Variants in PCDHGA4 observed in about 807,000 individuals in gnomAD.
The protein encoded by PCDHGA4 is protocadherin gamma subfamily A, 4.
PCDHGA4 carries 38 observed loss-of-function variants against 54.6 expected under a neutral mutation model. That is an observed-to-expected ratio of 0.70 (90% CI 0.54 to 0.91). PCDHGA4 has a LOEUF of 0.91. PCDHGA4 is among the 40% of genes least tolerant of loss of function. The pLI is 0.00. For synonymous variants in PCDHGA4, 511 were observed against 512.9 expected (o/e 1.00, Z 0.05); for missense variants, 1,298 against 1,220.9 (o/e 1.06, Z -0.94).
intron 1 of PCDHGA4, chr5:141,423,757 G>T (rs562479446): frequency 7.3e-5 from 29 of 395,130 alleles, no homozygotes; most frequent in Non-Finnish European, 9.5e-5. Flanking sequence ...GTTTGGGGGG[G>T]GGGTGGGGCG....
chr5:141,389,248 A>C, intron 1 of PCDHGA4: 1 of 1,614,036 alleles, frequency 6.2e-7, no homozygotes, highest in South Asian at 1.1e-5. Context: ...CAGTCTTCCT[A>C]TATAGTCCAC....
chr5:141,418,273 A>G (rs1440274831), intron 1 of PCDHGA4: 2 of 1,614,082 alleles, frequency 1.2e-6, no homozygotes, highest in Non-Finnish European at 8.5e-7. Flanking sequence ...AAGATGAAAT[A>G]AACTTAGAAA....
At chr5:141,389,338 T>C in intron 1 of PCDHGA4, 1 of 1,613,982 alleles carries the variant, frequency 6.2e-7, no homozygotes, top group South Asian at 1.1e-5. Flanking sequence ...AACGGCCAAG[T>C]CTCTTACTGC....
At position 141,355,655 on chromosome 5, in the gene PCDHGA4, T is replaced by A. The variant is rs900163276; in HGVS notation, c.548T>A (p.Phe183Tyr). 13 of 1,613,964 alleles carry A rather than the reference T, an allele frequency of 8.1e-6. No homozygotes were observed. The highest frequency in any genetic ancestry group is 1.3e-5 in the African/African-American group (1 of 75,040). The part of the protein sequence containing the change: ...VAENENPGAR[F>Y]PLPEAFDPDV... ...GAAAATGAAAATCCTGGGGCAAGATTTCCTCTTCCTGAAGCTTTTGATCCG... is the reference window on the plus strand; with the variant it reads ...GAAAATGAAAATCCTGGGGCAAGATATCCTCTTCCTGAAGCTTTTGATCCG... Residue 183 changes from phenylalanine to tyrosine, a missense_variant, in exon 1 of 4, where the codon TTT (phenylalanine) becomes TAT (tyrosine). Transcript: ENST00000571252.
intron 1 of PCDHGA4, among the ~76,000 whole-genome samples, chr5:141,380,098 C>T (rs1242678914): frequency 1.3e-5 from 2 of 151,806 alleles, no homozygotes; most frequent in African/African-American, 4.8e-5. Context: ...TGGGGTTTTA[C>T]CATGATGGCC....
chr5:141,355,952 T>C lies in PCDHGA4; in HGVS notation c.845T>C (p.Val282Ala). The change falls in exon 1 of 4, where the codon GTT becomes GCT. Residue 282 changes from valine to alanine, a missense_variant. Val to Ala is a moderately conservative substitution (Grantham distance 64). Transcript: ENST00000571252. ...VFTQPEYHVSVRENVPVGTRL... is the reference protein window; with the variant it reads ...VFTQPEYHVSARENVPVGTRL... ...ACTCAGCCCGAGTACCACGTAAGTG[T>C]TCGTGAGAACGTTCCTGTAGGCACT... 6.2e-7 allele frequency: 1 copy of C among 1,613,896 alleles called. No homozygotes were observed. Among genetic ancestry groups the C allele is most frequent in the Non-Finnish European group, 8.5e-7 (1 of 1,179,858 alleles).
chr5:141,357,569 C>T lies in PCDHGA4; in HGVS notation c.2462C>T (p.Pro821Leu), dbSNP rs755555398. The change falls in exon 1 of 4, where the codon CCT becomes CTT. Residue 821 changes from proline (P) to leucine (L), a missense_variant. Pro to Leu is a moderately conservative substitution (Grantham distance 98). Coordinates refer to ENST00000571252, the MANE Select transcript of PCDHGA4 (RefSeq NM_018917.4). ...ISRESCEKSE[P>L]LLITQDLLET... is the part of the protein sequence containing the mutation. ...CGGGAGAGTTGTGAGAAAAGCGAGCCTCTTCTGATAACTCAGGATTTACTT... is the reference window on the plus strand; with the variant it reads ...CGGGAGAGTTGTGAGAAAAGCGAGCTTCTTCTGATAACTCAGGATTTACTT... 60 of 1,614,090 alleles carry T rather than the reference C, an allele frequency of 3.7e-5. No individual in the cohort carries two copies. Among genetic ancestry groups the T allele is most frequent in the Non-Finnish European group, 4.7e-5 (56 of 1,180,048 alleles).
intron 1 of PCDHGA4, chr5:141,430,569 G>A (rs1252716330): frequency 4.5e-6 from 2 of 439,930 alleles, no homozygotes; most frequent in African/African-American, 4.1e-5. Flanking sequence ...GGAGAGAAAA[G>A]CGGAGATCCT....
At position 141,486,671 on chromosome 5, in the gene PCDHGA4, C is replaced by G. The variant is rs1307620045; in HGVS notation, c.2515-8136C>G. 24 of 1,613,926 alleles carry G rather than the reference C, an allele frequency of 1.5e-5. No homozygotes were observed. The highest frequency in any genetic ancestry group is 2.7e-5 in the African/African-American group (2 of 74,932). Reference sequence around the variant, plus strand: ...CTACTCACTCCTGGAGCCCAGGAATCGAGATGTATCAGCTTCCTCTTTCAT... The same window carrying G: ...CTACTCACTCCTGGAGCCCAGGAATGGAGATGTATCAGCTTCCTCTTTCAT... On this transcript the variant is annotated intron_variant, in intron 1 of 3. Transcript: ENST00000571252. The surrounding 1 kb of genome is among the most constrained non-coding windows in gnomAD (Gnocchi z 5.0).
At chr5:141,413,407 CT>C (rs758693256) in intron 1 of PCDHGA4, 3 of 1,613,926 alleles carry the variant, frequency 1.9e-6, no homozygotes, top group Non-Finnish European at 2.5e-6. Flanking sequence ...TAGGACGCAG[CT>C]TTTCTCTCTG....
chr5:141,356,564 C>T lies in PCDHGA4; in HGVS notation c.1457C>T (p.Ala486Val), dbSNP rs746002239. The change falls in exon 1 of 4, where the codon GCT becomes GTT. Residue 486 changes from alanine (A) to valine (V), a missense_variant. By Grantham distance (64) the Ala-to-Val change is moderately conservative. Transcript: ENST00000571252. ...INDNPPTFPHASYSAYIPENN... is the reference protein window; with the variant it reads ...INDNPPTFPHVSYSAYIPENN... Reference sequence around the variant, plus strand: ...GACAACCCACCCACTTTCCCTCATGCTTCCTACTCTGCTTACATTCCTGAA... The same window carrying T: ...GACAACCCACCCACTTTCCCTCATGTTTCCTACTCTGCTTACATTCCTGAA... 2.5e-6 allele frequency: 4 copies of T among 1,614,146 alleles called. No individual in the cohort carries two copies. Among genetic ancestry groups the T allele is most frequent in the Non-Finnish European group, 3.4e-6 (4 of 1,180,006 alleles).
At chr5:141,359,102 AT>A (rs572394227) in intron 1 of PCDHGA4, among the ~76,000 whole-genome samples, 16 of 152,350 alleles carry the variant, frequency 1.1e-4, no homozygotes, top group African/African-American at 3.6e-4. Flanking sequence ...ATGGTTTTGT[AT>A]TCATAGAAAG....
rs758216933 is a variant in PCDHGA4 at position 141,487,377 on chromosome 5, C to A, written c.2515-7430C>A. The A allele has an allele frequency of 2.5e-6, 4 of 1,614,190 alleles. No individual in the cohort carries two copies. In the South Asian group the frequency reaches 3.3e-5, roughly 13 times the overall value. On this transcript the variant is annotated intron_variant, in intron 1 of 3. Transcript: ENST00000571252. This position sits in a 1 kb window ranked among gnomAD's most constrained non-coding sequence, Gnocchi z 5.0. ...CCTGCTGGCACCTGTGCCTGTCTCA[C>A]CAGATCTCGAAGGAGGGAGGGGCTT...
intron 1 of PCDHGA4, chr5:141,405,544 C>T: frequency 1.6e-6 from 1 of 632,908 alleles, no homozygotes; most frequent in Non-Finnish European, 2.7e-6. Context: ...CTCAGCCTCC[C>T]AAGTAGAGTA....
At chr5:141,468,425 T>TA (rs2099167168) in intron 1 of PCDHGA4, 1 of 151,612 alleles carries the variant, frequency 6.6e-6, no homozygotes, top group Non-Finnish European at 1.5e-5. Context: ...GATAGCAAGG[T>TA]AATAGCAAAA....
intron 1 of PCDHGA4, among the ~76,000 whole-genome samples, chr5:141,450,259 C>A (rs1243327669): frequency 6.6e-6 from 1 of 152,118 alleles, no homozygotes; most frequent in East Asian, 1.9e-4. Context: ...CTCAAGTGAT[C>A]TGCCCACCTC....
In PCDHGA4 at chr5:141,477,836, G is replaced by T. The variant is rs1344676631; in HGVS notation, c.2515-16971G>T. On this transcript the variant is annotated intron_variant, in intron 1 of 3. Transcript: ENST00000571252. This position sits in a 1 kb window ranked among gnomAD's most constrained non-coding sequence, Gnocchi z 4.9. ...CCAGGTCCTATATCCTCGGCCAGGT[G>T]GGAGCTCGGTGGAGATGCTGCCTCG... The T allele has an allele frequency of 1.2e-6, 2 of 1,613,952 alleles. No individual in the cohort carries two copies. Among genetic ancestry groups the T allele is most frequent in the Non-Finnish European group, 1.7e-6 (2 of 1,180,012 alleles).
At chr5:141,370,421 C>T in intron 1 of PCDHGA4, 1 of 1,580,640 alleles carries the variant, frequency 6.3e-7, no homozygotes. Flanking sequence ...GATGGAGGGG[C>T]CCAGCAGGGC....
At chr5:141,395,095 C>G in intron 1 of PCDHGA4, 1 of 1,614,174 alleles carries the variant, frequency 6.2e-7, no homozygotes, top group Non-Finnish European at 8.5e-7. Flanking sequence ...TCCCTCACCG[C>G]CGACTCGCGG....
Sources: allele counts gnomAD v4.1 joint callset (sites outside exome capture counted in the v4.1 genomes callset), GRCh38; gene constraint gnomAD v4.1.1; non-coding constraint Gnocchi (gnomAD v3.1); transcripts MANE v1.5; gene names NCBI Gene and HGNC (gene_info 2026-07-23, HGNC 2026-07-21).